Variants in ST3GAL3 observed in about 807,000 individuals in gnomAD.
ST3GAL3 encodes CMP-N-acetylneuraminate-beta-1,4-galactoside alpha-2,3-sialyltransferase.
ST3GAL3 carries 21 observed loss-of-function variants against 50.1 expected under a neutral mutation model. That is an observed-to-expected ratio of 0.42 (90% CI 0.30 to 0.60). The LOEUF (loss-of-function observed/expected upper bound fraction) is 0.60. Among genes scored for constraint, ST3GAL3 ranks in the 20% least tolerant of loss-of-function variants. The pLI, the probability that ST3GAL3 is intolerant of heterozygous loss-of-function variation, is 0.19. For synonymous variants in ST3GAL3, 183 were observed against 190.0 expected (o/e 0.96, Z 0.30); for missense variants, 353 against 489.4 (o/e 0.72, Z 2.63).
chr1:43,752,531 C>T (rs780975654), intron 2 of ST3GAL3, among the ~76,000 whole-genome samples: 2 of 152,076 alleles, frequency 1.3e-5, no homozygotes, highest in Non-Finnish European at 2.9e-5. Flanking sequence ...GACAGGGTCT[C>T]GCTCTGTGTC....
intron 2 of ST3GAL3, among the ~76,000 whole-genome samples, chr1:43,786,912 C>T (rs944546265): frequency 4.6e-5 from 7 of 152,164 alleles, no homozygotes; most frequent in African/African-American, 1.4e-4. Flanking sequence ...TTCATTTTTA[C>T]GTCTCTCAGG....
chr1:43,913,363 G>A (rs2081262179), intron 9 of ST3GAL3: 1 of 152,196 alleles, frequency 6.6e-6, no homozygotes, highest in Non-Finnish European at 1.5e-5. Flanking sequence ...TGGGAAGTAG[G>A]TCTTCTCAGC....
intron 9 of ST3GAL3, 145 bp from the exon 10 acceptor site, chr1:43,920,259 T>C (rs984941460): frequency 3.3e-6 from 3 of 906,812 alleles, no homozygotes; most frequent in Non-Finnish European, 3.5e-6. Flanking sequence ...CAAACACAGA[T>C]GGGCTTCCTA....
chr1:43,816,355 A>G (rs955789976), intron 4 of ST3GAL3, among the ~76,000 whole-genome samples: 4 of 152,194 alleles, frequency 2.6e-5, no homozygotes, highest in East Asian at 1.9e-4. Flanking sequence ...TTTACACATT[A>G]TGAAGGCAAC....
chr1:43,918,839 A>G (rs2082523410), intron 9 of ST3GAL3, among the ~76,000 whole-genome samples: 1 of 151,876 alleles, frequency 6.6e-6, no homozygotes, highest in African/African-American at 2.4e-5. Context: ...TGTCTTTCCT[A>G]TTTTTTAAGT....
chr1:43,852,744 A>T (rs2067569835), intron 5 of ST3GAL3, among the ~76,000 whole-genome samples: 1 of 152,236 alleles, frequency 6.6e-6, no homozygotes, highest in Non-Finnish European at 1.5e-5. Context: ...TTGGAGACTG[A>T]AAGTTCTCAC....
intron 1 of ST3GAL3, among the ~76,000 whole-genome samples, chr1:43,731,121 C>T (rs1224753993): frequency 6.6e-6 from 1 of 151,980 alleles, no homozygotes; most frequent in Non-Finnish European, 1.5e-5. Flanking sequence ...CAACCTCAAC[C>T]TCCTGGGCTC....
At chr1:43,765,768 T>TGC (rs1558201801) in intron 2 of ST3GAL3, among the ~76,000 whole-genome samples, 2 of 134,920 alleles carry the variant, frequency 1.5e-5, no homozygotes, top group African/African-American at 6.5e-5. Context: ...TGTGTGTGTG[T>TGC]GTGTGTGTGT....
intron 6 of ST3GAL3, 106 bp from the exon 7 acceptor site, chr1:43,898,127 CTT>C: frequency 8.2e-7 from 1 of 1,221,486 alleles, no homozygotes; most frequent in Non-Finnish European, 1.2e-6. Context: ...TCCACTTCCA[CTT>C]TCACTCTAGC....
chr1:43,851,129 C>G, intron 5 of ST3GAL3: 1 of 1,119,260 alleles, frequency 8.9e-7, no homozygotes, highest in Non-Finnish European at 1.4e-6. Flanking sequence ...TTAGGAGGAG[C>G]AGCTGGTTCC....
intron 1 of ST3GAL3, among the ~76,000 whole-genome samples, chr1:43,713,653 C>T (rs1210502957): frequency 6.6e-6 from 1 of 151,716 alleles, no homozygotes; most frequent in African/African-American, 2.4e-5. Flanking sequence ...ACCTCAGCCT[C>T]CCAGATAGCT....
intron 2 of ST3GAL3, among the ~76,000 whole-genome samples, chr1:43,774,059 T>C (rs183874127): frequency 1.2e-3 from 174 of 150,750 alleles, no homozygotes; most frequent in African/African-American, 3.9e-3. Flanking sequence ...GTGAGCTGTT[T>C]CTAATTATAA....
chr1:43,918,582 C>A (rs1169396614), intron 9 of ST3GAL3, among the ~76,000 whole-genome samples: 3 of 152,000 alleles, frequency 2.0e-5, no homozygotes, highest in Non-Finnish European at 4.4e-5. Context: ...TTTCACTGAT[C>A]TTGGTTTTGA....
chr1:43,873,398 G>A (rs1169703469), intron 5 of ST3GAL3, among the ~76,000 whole-genome samples: 4 of 152,224 alleles, frequency 2.6e-5, no homozygotes, highest in Non-Finnish European at 5.9e-5. Context: ...AGAAATGACT[G>A]CAAGAAGAGC....
intron 3 of ST3GAL3, among the ~76,000 whole-genome samples, chr1:43,797,065 G>A (rs2058757755): frequency 6.6e-6 from 1 of 152,128 alleles, no homozygotes; most frequent in Non-Finnish European, 1.5e-5. Flanking sequence ...GCACACACCT[G>A]TAGTCTCAGC....
At chr1:43,857,586 C>CCCTCCCTCCCTTCCTT (rs2068794998) in intron 5 of ST3GAL3, among the ~76,000 whole-genome samples, 5 of 86,040 alleles carry the variant, frequency 5.8e-5, no homozygotes, top group African/African-American at 3.0e-4. Context: ...CTTCCTCCCT[C>CCCTCCCTCCCTTCCTT]CCTTCCTTCC....
rs1305363352 is a variant in ST3GAL3, at chr1:43,737,372, CTGT to C, written c.118+997_118+999del. 6.6e-6 allele frequency: 1 copy of C among 152,188 alleles called. No homozygotes were observed. The highest frequency in any genetic ancestry group is 1.5e-5 in the Non-Finnish European group (1 of 68,044). The allele number at this position is 152,188 out of a possible 1,614,324, so 9.4% of individuals were successfully genotyped here. A position where few individuals can be genotyped will look rare whatever the true frequency, so the allele number is the denominator to read the frequency against. On this transcript the variant is annotated intron_variant, in intron 2 of 11. Coordinates refer to ENST00000347631, the MANE Select transcript of ST3GAL3 (RefSeq NM_006279.5). This position sits in a 1 kb window ranked among gnomAD's most constrained non-coding sequence, Gnocchi z 4.0. ...GAAGAAGCAACGGGCAATTGGCCTG[CTGT>C]TGTTCTAAGACCCTAACATGGGAAG...
At chr1:43,877,833 T>A (rs1464952491) in intron 5 of ST3GAL3, among the ~76,000 whole-genome samples, 1 of 152,120 alleles carries the variant, frequency 6.6e-6, no homozygotes, top group African/African-American at 2.4e-5. Context: ...AGGTAGAGGG[T>A]CTCATCTCAC....
At chr1:43,912,760 A>G (rs776152444) in intron 9 of ST3GAL3, 12 of 152,246 alleles carry the variant, frequency 7.9e-5, no homozygotes, top group Non-Finnish European at 1.6e-4. Context: ...TGTTTTCCCC[A>G]TTGCTCCTGG....
Sources: allele counts gnomAD v4.1 joint callset (sites outside exome capture counted in the v4.1 genomes callset), GRCh38; gene constraint gnomAD v4.1.1; non-coding constraint Gnocchi (gnomAD v3.1); transcripts MANE v1.5; gene names NCBI Gene and HGNC (gene_info 2026-07-23, HGNC 2026-07-21).